NRCAM: variants seen among roughly 807,000 people sequenced by gnomAD.
NRCAM encodes neuronal cell adhesion molecule.
In NRCAM, 83 loss-of-function variants were observed where a neutral mutation model predicts 156.5. The ratio of observed to expected loss-of-function variants is 0.53; its 90% confidence interval spans 0.44 to 0.64. The LOEUF is 0.64. Among genes scored for constraint, NRCAM ranks in the 30% least tolerant of loss-of-function variants. NRCAM has a pLI of 0.00. For missense variants in NRCAM, 1,417 were observed against 1,597.3 expected (o/e 0.89, Z 1.92); for synonymous variants, 538 against 563.9 (o/e 0.95, Z 0.65).
chr7:108,396,403 C>T (rs2099777009), intron 2 of NRCAM, among the ~76,000 whole-genome samples: 2 of 152,146 alleles, frequency 1.3e-5, no homozygotes, highest in African/African-American at 4.8e-5. Context: ...CTACAACTCG[C>T]GTGTATGTGC....
intron 2 of NRCAM, among the ~76,000 whole-genome samples, chr7:108,371,612 G>A (rs771016975): frequency 6.6e-6 from 1 of 152,108 alleles, no homozygotes; most frequent in African/African-American, 2.4e-5. Context: ...ACTATGTGTT[G>A]AATATCTCTA....
At chr7:108,354,960 A>C (rs982630551) in intron 2 of NRCAM, among the ~76,000 whole-genome samples, 3 of 152,212 alleles carry the variant, frequency 2.0e-5, no homozygotes, top group Non-Finnish European at 4.4e-5. Flanking sequence ...AAACTAAAAT[A>C]ATACAACATA....
chr7:108,388,995 T>C (rs866357449), intron 2 of NRCAM, among the ~76,000 whole-genome samples: 1 of 152,214 alleles, frequency 6.6e-6, no homozygotes, highest in African/African-American at 2.4e-5. Flanking sequence ...GGTAGCATGA[T>C]GCCTCCAGCT....
chr7:108,438,273 T>C (rs1158397785), intron 1 of NRCAM, among the ~76,000 whole-genome samples: 3 of 151,800 alleles, frequency 2.0e-5, no homozygotes, highest in African/African-American at 7.3e-5. Context: ...GAAGCAAATA[T>C]CCTAAAATAT....
intron 2 of NRCAM, among the ~76,000 whole-genome samples, chr7:108,373,209 A>T (rs1290862679): frequency 6.6e-6 from 1 of 152,170 alleles, no homozygotes; most frequent in Admixed American, 6.6e-5. Flanking sequence ...AGGAAATGGA[A>T]AATTACTAGT....
chr7:108,338,802 T>C (rs1045066846), intron 2 of NRCAM, among the ~76,000 whole-genome samples: 1 of 152,192 alleles, frequency 6.6e-6, no homozygotes, highest in Non-Finnish European at 1.5e-5. Flanking sequence ...CCTGTAACAC[T>C]CTAATACTAC....
intron 2 of NRCAM, among the ~76,000 whole-genome samples, chr7:108,364,089 T>C (rs1326758050): frequency 6.6e-6 from 1 of 152,192 alleles, no homozygotes; most frequent in Non-Finnish European, 1.5e-5. Flanking sequence ...ACGTTAATAA[T>C]AGGGGAAACT....
intron 12 of NRCAM, 126 bp downstream of exon 12, chr7:108,209,295 T>TC: frequency 1.5e-6 from 1 of 650,820 alleles, no homozygotes; most frequent in Non-Finnish European, 2.5e-6. Context: ...GAGAAGAGAG[T>TC]CAAGGTACCA....
chr7:108,153,317 C>G (rs1052635278), intron 32 of NRCAM, among the ~76,000 whole-genome samples: 1 of 151,966 alleles, frequency 6.6e-6, no homozygotes, highest in Admixed American at 6.6e-5. Context: ...TCATATAATT[C>G]ATTATTTTAG....
chr7:108,159,357 G>A (rs2047451927), intron 32 of NRCAM, 106 bp downstream of exon 32: 1 of 943,438 alleles, frequency 1.1e-6, no homozygotes, highest in African/African-American at 1.6e-5. Flanking sequence ...ACTTCTATTT[G>A]AGGAAAATAT....
intron 30 of NRCAM, among the ~76,000 whole-genome samples, chr7:108,164,524 T>C (rs1585663223): frequency 1.9e-5 from 2 of 106,728 alleles, no homozygotes; most frequent in East Asian, 2.7e-4. Flanking sequence ...ATGCCAAATA[T>C]TGACATCCTT....
intron 3 of NRCAM, among the ~76,000 whole-genome samples, chr7:108,279,058 T>A (rs981038123): frequency 2.0e-5 from 3 of 152,008 alleles, no homozygotes; most frequent in Admixed American, 1.3e-4. Context: ...GTTGTCTGCT[T>A]AGAAGGCACT....
At chr7:108,299,114 A>AAAAAAAAGAAAGAAGGAAAG in intron 3 of NRCAM, among the ~76,000 whole-genome samples, 1 of 25,530 alleles carries the variant, frequency 3.9e-5, no homozygotes, top group Non-Finnish European at 8.0e-5. Context: ...TCAAAAAAAA[A>AAAAAAAAGAAAGAAGGAAAG]AAAGAAAGAA....
At chr7:108,207,952 T>C (rs1242308322) in intron 12 of NRCAM, among the ~76,000 whole-genome samples, 4 of 152,100 alleles carry the variant, frequency 2.6e-5, no homozygotes, top group Non-Finnish European at 5.9e-5. Flanking sequence ...CAGATTTATC[T>C]AAGCATACAG....
At chr7:108,339,685 C>T (rs753341733) in intron 2 of NRCAM, among the ~76,000 whole-genome samples, 1 of 152,100 alleles carries the variant, frequency 6.6e-6, no homozygotes, top group African/African-American at 2.4e-5. Flanking sequence ...AGCAGAGGTC[C>T]ATGGGTGGTG....
chr7:108,261,056 A>C (rs1166099729), intron 3 of NRCAM, among the ~76,000 whole-genome samples: 1 of 152,162 alleles, frequency 6.6e-6, no homozygotes. Flanking sequence ...ATGTGGGGAC[A>C]TGAGGAGAAA....
At chr7:108,367,423 GATTA>G (rs1434818065) in intron 2 of NRCAM, among the ~76,000 whole-genome samples, 1 of 152,092 alleles carries the variant, frequency 6.6e-6, no homozygotes, top group Non-Finnish European at 1.5e-5. Flanking sequence ...TTTTAAGACT[GATTA>G]ATTCTTAAAT....
At chr7:108,263,114 A>T (rs1375247486) in intron 3 of NRCAM, among the ~76,000 whole-genome samples, 1 of 152,218 alleles carries the variant, frequency 6.6e-6, no homozygotes, top group African/African-American at 2.4e-5. Flanking sequence ...TGAGTGTCTC[A>T]TCCCTACGGC....
chr7:108,297,504 AAG>A (rs1323300405), intron 3 of NRCAM, among the ~76,000 whole-genome samples: 1 of 152,224 alleles, frequency 6.6e-6, no homozygotes. Context: ...TTATCTGACA[AAG>A]AGCTGAAACT....
Sources: gnomAD v4.1 joint callset for allele counts (sites outside exome capture counted in the v4.1 genomes callset) on GRCh38, gnomAD v4.1.1 for gene constraint, MANE v1.5 for transcripts, NCBI Gene and HGNC (gene_info 2026-07-23, HGNC 2026-07-21) for gene names.